SZT2: variants seen among roughly 807,000 people sequenced by gnomAD.
The protein encoded by SZT2 is SZT2 subunit of KICSTOR complex.
SZT2 carries 216 observed loss-of-function variants against 404.2 expected under a neutral mutation model. The ratio of observed to expected loss-of-function variants is 0.53; its 90% CI spans 0.48 to 0.60. SZT2 has a LOEUF of 0.60. SZT2 is among the 20% of genes least tolerant of loss of function. The pLI is 0.00. For synonymous variants in SZT2, 1,693 were observed against 1,749.9 expected (o/e 0.97, Z 0.81); for missense variants, 3,857 against 4,459.2 (o/e 0.86, Z 3.85).
chr1:43,446,631 G>T, intron 65 of SZT2: 1 of 653,634 alleles, frequency 1.5e-6, no homozygotes. Context: ...AGCGTGTTCA[G>T]CTGTAGCCCT....
Position 43,452,817 on chromosome 1 carries a change from C to T in SZT2, c.*2337C>T. 2 of 1,408,574 alleles carry T rather than the reference C, an allele frequency of 1.4e-6. No homozygotes were observed. Among genetic ancestry groups the T allele is most frequent in the Non-Finnish European group, 2.0e-6 (2 of 1,020,258 alleles). The allele number at this position is 1,408,574 out of a possible 1,614,324, so 87.3% of individuals were successfully genotyped here. On this transcript the variant is annotated 3_prime_UTR_variant, in exon 72 of 72. Coordinates refer to ENST00000634258, the MANE Select transcript of SZT2 (RefSeq NM_001365999.1). ...TTGAATCAGCCCCACTTTGAGCCGT[C>T]CACCTCCTCCCATCATCCCCTGATC...
Position 43,447,151 on chromosome 1 carries a change from G to A in SZT2, c.9269G>A (p.Arg3090His), listed in dbSNP as rs374490896. The A allele has an allele frequency of 1.1e-5, 17 of 1,611,840 alleles. No homozygotes were observed. Among genetic ancestry groups the A allele is most frequent in the South Asian group, 5.5e-5 (5 of 90,800 alleles). ...AHHPDGPHFG[R>H]NHIYQGTLEL... ...CACCCTGACGGACCCCACTTTGGCC[G>A]CAATCACATTTACCAAGGTCAGTGC... The change falls in exon 66 of 72, where the codon CGC becomes CAC. Residue 3090 changes from arginine (R) to histidine (H), a missense_variant. By Grantham distance (29) the Arg-to-His change is conservative. Coordinates refer to ENST00000634258, the MANE Select transcript of SZT2 (RefSeq NM_001365999.1).
At position 43,454,230 on chromosome 1, in the gene SZT2, A is replaced by C. The variant is rs567880273; in HGVS notation, c.*3750A>C. ...TGAAAGCTGTATGACCAAATAAAGAAGCACTTTTATACCGCCAGTTATCAC... is the reference window on the plus strand; with the variant it reads ...TGAAAGCTGTATGACCAAATAAAGACGCACTTTTATACCGCCAGTTATCAC... On this transcript the variant is annotated 3_prime_UTR_variant, in exon 72 of 72. Coordinates refer to ENST00000634258, the MANE Select transcript of SZT2 (RefSeq NM_001365999.1). The C allele has an allele frequency of 2.8e-5, 5 of 178,328 alleles. No individual in the cohort carries two copies. The highest frequency in any genetic ancestry group is 4.4e-5 in the Non-Finnish European group (4 of 91,218). The allele number at this position is 178,328 out of a possible 1,614,324, so 11.0% of individuals were successfully genotyped here. A position where few individuals can be genotyped will look rare whatever the true frequency, so the allele number is the denominator to read the frequency against.
At position 43,437,462 on chromosome 1, in the gene SZT2, A is replaced by G. The variant is rs1557582096; in HGVS notation, c.6244A>G (p.Met2082Val). 6.2e-7 allele frequency: 1 copy of G among 1,614,084 alleles called. No homozygotes were observed. Among genetic ancestry groups the G allele is most frequent in the Non-Finnish European group, 8.5e-7 (1 of 1,180,008 alleles). The change falls in exon 44 of 72, where the codon ATG (methionine) becomes GTG (valine). Residue 2082 changes from methionine (M) to valine (V), a missense_variant. Physicochemically the swap from Met to Val is conservative, Grantham distance 21. Around this residue, in one of 7 missense-constraint regions of SZT2, gnomAD observed 261 missense variants for 372.9 expected, o/e 0.70. Coordinates refer to ENST00000634258, the MANE Select transcript of SZT2 (RefSeq NM_001365999.1). The surrounding 1 kb of genome is among the most constrained non-coding windows in gnomAD (Gnocchi z 5.3). ...NAFSVVNRKN[M>V]FVYQERATKA... Reference sequence around the variant, plus strand: ...CTTCTCTGTGGTGAACCGGAAAAACATGTTTGTTTACCAGGAGCGAGCAAC... The same window carrying G: ...CTTCTCTGTGGTGAACCGGAAAAACGTGTTTGTTTACCAGGAGCGAGCAAC...
intron 1 of SZT2, among the ~76,000 whole-genome samples, chr1:43,391,801 G>GTACCAAGT (rs1339191660): frequency 0.013 from 257 of 19,334 alleles, 107 homozygotes; most frequent in Non-Finnish European, 0.017. Flanking sequence ...ATGAAACAAG[G>GTACCAAGT]CCGGGCGCGG....
At chr1:43,407,705 G>T (rs1414675329) in intron 4 of SZT2, among the ~76,000 whole-genome samples, 1 of 150,952 alleles carries the variant, frequency 6.6e-6, no homozygotes. Flanking sequence ...TGTCCACAGA[G>T]ATTTGAAAAA....
At chr1:43,406,284 G>T (rs1650305410) in intron 4 of SZT2, 1 of 311,504 alleles carries the variant, frequency 3.2e-6, no homozygotes, top group South Asian at 2.4e-5. Flanking sequence ...TTTTGGTAGA[G>T]ACAGGGTTTC....
At chr1:43,408,604 G>A (rs1277324554) in intron 4 of SZT2, among the ~76,000 whole-genome samples, 2 of 151,902 alleles carry the variant, frequency 1.3e-5, no homozygotes, top group African/African-American at 4.8e-5. Context: ...ATATAGTATG[G>A]GCATTCTTGT....
chr1:43,431,620 C>T, intron 35 of SZT2, 96 bp from the exon 36 acceptor site: 1 of 1,599,614 alleles, frequency 6.3e-7, no homozygotes, highest in South Asian at 1.1e-5. Context: ...TGAGGCCTCT[C>T]TCAGTCTGTG....
intron 1 of SZT2, among the ~76,000 whole-genome samples, chr1:43,399,042 T>G (rs1218928780): frequency 6.6e-6 from 1 of 151,136 alleles, no homozygotes; most frequent in East Asian, 1.9e-4. Flanking sequence ...ATTGCGCCAC[T>G]ACACTCCAGC....
In SZT2 at chr1:43,425,371, T is replaced by G. The variant is rs1653017544; in HGVS notation, c.2646-103T>G. On this transcript the variant is annotated intron_variant, in intron 18 of 71. Transcript: ENST00000634258. This position sits in a 1 kb window ranked among gnomAD's most constrained non-coding sequence, Gnocchi z 4.3. ...AGGCAGACGCTGGTCTGGGAAGGCC[T>G]TGTATGACTCGTGGCTGTCCTCTGT... 1 of 1,550,958 alleles carries G rather than the reference T, an allele frequency of 6.4e-7. No homozygotes were observed. Among genetic ancestry groups the G allele is most frequent in the Non-Finnish European group, 8.8e-7 (1 of 1,136,680 alleles).
rs1483795185 is a variant in SZT2 at position 43,427,339 on chromosome 1, T to C, written c.3492T>C (p.Pro1164=). 5.0e-6 allele frequency: 8 copies of C among 1,613,910 alleles called. No homozygotes were observed. The highest frequency in any genetic ancestry group is 6.8e-6 in the Non-Finnish European group (8 of 1,180,006). The change falls in exon 25 of 72, where the codon CCT becomes CCC. Residue 1164 remains proline, a synonymous_variant. Transcript: ENST00000634258. ...LEGPPQEETK[P]KFGDWSGAPS... ...GACCCCCTCAAGAGGAGACAAAGCC[T>C]AAGTTTGGGGATTGGAGTGGGGCTC...
rs557629837 is a variant in SZT2 at position 43,418,460 on chromosome 1, G to A, written c.880-1274G>A. On this transcript the variant is annotated intron_variant, in intron 7 of 71. Transcript: ENST00000634258. ...AATAGAAAGAAGTGAAGATGTCTGC[G>A]AAGGGCCTCCGATTTCTCTCTGAAG... is the stretch of plus-strand genomic sequence containing the variant. 1.1e-4 allele frequency among the ~76,000 whole-genome samples: 17 copies of A among 152,302 alleles called. No homozygotes were observed. In the South Asian group the frequency reaches 3.5e-3, roughly 32 times the overall value.
chr1:43,442,417 A>G lies in SZT2; in HGVS notation c.7975-25A>G. 2 of 1,611,834 alleles carry G rather than the reference A, an allele frequency of 1.2e-6. No homozygotes were observed. The highest frequency in any genetic ancestry group is 1.7e-6 in the Non-Finnish European group (2 of 1,178,478). ...GTGGGAAGAGGGGTTCCGTGATCTC[A>G]CTGACCCTGACCCCCGACCTCCAGC... On this transcript the variant is annotated intron_variant, in intron 57 of 71. Coordinates refer to ENST00000634258, the MANE Select transcript of SZT2 (RefSeq NM_001365999.1). The surrounding 1 kb of genome is among the most constrained non-coding windows in gnomAD (Gnocchi z 4.5).
Position 43,438,738 on chromosome 1 carries a change from G to A in SZT2, c.6548G>A (p.Arg2183Gln), listed in dbSNP as rs1225657837. The change falls in exon 47 of 72, where the codon CGG becomes CAG. Residue 2183 changes from arginine to glutamine, a missense_variant. Around this residue, in one of 7 missense-constraint regions of SZT2, gnomAD observed 261 missense variants for 372.9 expected, o/e 0.70. Coordinates refer to ENST00000634258, the MANE Select transcript of SZT2 (RefSeq NM_001365999.1). ...ITDELVRVLC[R>Q]RLDEATLDVI... ...GATGAGCTCGTGCGAGTTCTATGTCGGCGCCTGGATGAGGCCACGCTGGAC... is the reference window on the plus strand; with the variant it reads ...GATGAGCTCGTGCGAGTTCTATGTCAGCGCCTGGATGAGGCCACGCTGGAC... 3.1e-6 allele frequency: 5 copies of A among 1,614,000 alleles called. No homozygotes were observed. The highest frequency in any genetic ancestry group is 8.5e-7 in the Non-Finnish European group (1 of 1,179,980).
In SZT2 at chr1:43,414,239, C is replaced by T. The variant is rs1651425514; in HGVS notation, c.499-843C>T. Reference sequence around the variant, plus strand: ...AGGTTGCAGTGAGCCAAGATCGCACCTGCACTCTAGCCTGGGCGACAGAGC... The same window carrying T: ...AGGTTGCAGTGAGCCAAGATCGCACTTGCACTCTAGCCTGGGCGACAGAGC... On this transcript the variant is annotated intron_variant, in intron 4 of 71. Transcript: ENST00000634258. Among the ~76,000 whole-genome samples, 2 of 151,934 alleles carry T rather than the reference C, an allele frequency of 1.3e-5. 1 individual carries two copies. The highest frequency in any genetic ancestry group is 4.2e-4 in the South Asian group (2 of 4,814).
At position 43,413,859 on chromosome 1, in the gene SZT2, TAGAA is replaced by T. The variant is rs952011637; in HGVS notation, c.499-1218_499-1215del. ...TGGTTAATGGGTACAAAAATAGAGT[TAGAA>T]AGAATGAATAAGATCTAGTACTTGA... On this transcript the variant is annotated intron_variant, in intron 4 of 71. Transcript: ENST00000634258. Among the ~76,000 whole-genome samples, 93 of 152,038 alleles carry T rather than the reference TAGAA, an allele frequency of 6.1e-4. 1 individual carries two copies. Among genetic ancestry groups the T allele is most frequent in the African/African-American group, 2.2e-3 (90 of 41,478 alleles).
Position 43,437,207 on chromosome 1 carries a change from A to G in SZT2, c.6071A>G (p.Tyr2024Cys), listed in dbSNP as rs1570694932. 1 of 1,614,064 alleles carries G rather than the reference A, an allele frequency of 6.2e-7. No individual in the cohort carries two copies. The highest frequency in any genetic ancestry group is 1.3e-5 in the African/African-American group (1 of 74,998). The change falls in exon 43 of 72, where the codon TAC becomes TGC. Residue 2024 changes from tyrosine (Y) to cysteine (C), a missense_variant. Tyr to Cys is a radical substitution (Grantham distance 194). Transcript: ENST00000634258. The surrounding 1 kb of genome is among the most constrained non-coding windows in gnomAD (Gnocchi z 5.3). The part of the protein sequence containing the change: ...AADESCAPRG[Y>C]LAATMQFVPG... ...GATGAGAGCTGTGCGCCCCGTGGGT[A>G]CCTGGCAGCCACAATGCAGTTTGTC...
In SZT2 at chr1:43,433,169, TG is replaced by T; in HGVS notation, c.5785del (p.Glu1929LysfsTer9). 1 of 1,613,842 alleles carries T rather than the reference TG, an allele frequency of 6.2e-7. No homozygotes were observed. The highest frequency in any genetic ancestry group is 8.5e-7 in the Non-Finnish European group (1 of 1,179,988). On this transcript the variant is annotated frameshift_variant, in exon 40 of 72. Coordinates refer to ENST00000634258, the MANE Select transcript of SZT2 (RefSeq NM_001365999.1). LOFTEE classifies it high-confidence loss of function. ...ATTGTCCGGGTCCTGCAGGACCGTGTGGAAGTGTATGCACATGCACGGTAAG... is the reference window on the plus strand; with the variant it reads ...ATTGTCCGGGTCCTGCAGGACCGTGTGAAGTGTATGCACATGCACGGTAAG... The part of the protein sequence containing the change: ...WLIVRVLQDR[V>X]EVYAHARSLI...
Sources: gnomAD v4.1 joint callset for allele counts (sites outside exome capture counted in the v4.1 genomes callset) on GRCh38, gnomAD v4.1.1 for gene constraint, gnomAD v4.1.1 regional missense constraint, Gnocchi (gnomAD v3.1) non-coding constraint, MANE v1.5 for transcripts, NCBI Gene and HGNC (gene_info 2026-07-23, HGNC 2026-07-21) for gene names.